SORCS1: variants seen among roughly 807,000 people sequenced by gnomAD.
The protein encoded by SORCS1 is VPS10 domain-containing receptor SorCS1.
A neutral mutation model predicts 146.1 loss-of-function variants in SORCS1; 60 were observed. The observed-to-expected ratio is 0.41, with a 90% confidence interval of 0.33 to 0.51. SORCS1 has a LOEUF of 0.51. Ranked by LOEUF, SORCS1 falls within the 20% of genes least tolerant of loss-of-function variation. The pLI is 0.21. For missense variants in SORCS1, 1,352 were observed against 1,487.6 expected, an observed-to-expected ratio of 0.91 and a Z score of 1.50; for synonymous variants, 637 against 584.0, an observed-to-expected ratio of 1.09 and a Z score of -1.31.
chr10:106,751,385 C>A (rs548713389), intron 5 of SORCS1, among the ~76,000 whole-genome samples: 1 of 152,086 alleles, frequency 6.6e-6, no homozygotes, highest in Non-Finnish European at 1.5e-5. Context: ...AAAAGAAGAG[C>A]GAACAAAGTC....
intron 17 of SORCS1, among the ~76,000 whole-genome samples, chr10:106,658,112 T>A (rs1481186991): frequency 6.6e-6 from 1 of 152,152 alleles, no homozygotes; most frequent in East Asian, 1.9e-4. Flanking sequence ...CATTCAAAAT[T>A]TCCCATGGGC....
intron 3 of SORCS1, among the ~76,000 whole-genome samples, chr10:106,797,555 CAGAG>C (rs1946633147): frequency 6.7e-6 from 1 of 149,606 alleles, no homozygotes; most frequent in Non-Finnish European, 1.5e-5. Context: ...ACATGAAAAA[CAGAG>C]GGTAGAAACA....
chr10:106,870,852 C>T (rs779998774), intron 2 of SORCS1, among the ~76,000 whole-genome samples: 9 of 151,518 alleles, frequency 5.9e-5, no homozygotes, highest in Non-Finnish European at 1.2e-4. Context: ...TCTAATCAAA[C>T]TTAAGAGCTT....
intron 1 of SORCS1, among the ~76,000 whole-genome samples, chr10:106,989,267 C>A (rs377500891): frequency 1.1e-5 from 1 of 87,826 alleles, no homozygotes; most frequent in Non-Finnish European, 2.3e-5. Context: ...AAGGCTCCAC[C>A]TCAGAAAAAA....
At chr10:106,629,176 A>G in intron 19 of SORCS1, 26 bp downstream of exon 19, 1 of 1,597,820 alleles carries the variant, frequency 6.3e-7, no homozygotes, top group Non-Finnish European at 8.6e-7. Context: ...AAGATAGGTC[A>G]TAAACCAACA....
At chr10:107,158,271 T>C (rs918078355) in intron 1 of SORCS1, among the ~76,000 whole-genome samples, 7 of 152,358 alleles carry the variant, frequency 4.6e-5, no homozygotes, top group African/African-American at 1.4e-4. Context: ...AAGATTGATG[T>C]GTATATTTTT....
chr10:106,722,995 T>C (rs1028039161), intron 6 of SORCS1, among the ~76,000 whole-genome samples: 1 of 152,150 alleles, frequency 6.6e-6, no homozygotes, highest in Non-Finnish European at 1.5e-5. Flanking sequence ...TCAGTAGATA[T>C]ACCTAAACAG....
At chr10:106,828,141 C>T (rs1451307991) in intron 3 of SORCS1, among the ~76,000 whole-genome samples, 1 of 152,210 alleles carries the variant, frequency 6.6e-6, no homozygotes, top group African/African-American at 2.4e-5. Context: ...CCGAATCCCA[C>T]TGTGCTTGGA....
chr10:106,631,167 C>A (rs1413262786), intron 18 of SORCS1, among the ~76,000 whole-genome samples: 1 of 152,206 alleles, frequency 6.6e-6, no homozygotes, highest in Non-Finnish European at 1.5e-5. Flanking sequence ...GTGTGACCTA[C>A]TCCTCTGCTC....
At chr10:106,600,683 G>GGT (rs2133339794) in intron 23 of SORCS1, 1 of 985,426 alleles carries the variant, frequency 1.0e-6, no homozygotes, top group African/African-American at 1.7e-5. Context: ...ACACATCTTA[G>GGT]GTGTCAGTGC....
chr10:107,000,148 T>C (rs1957157797), intron 1 of SORCS1, among the ~76,000 whole-genome samples: 1 of 152,206 alleles, frequency 6.6e-6, no homozygotes, highest in Non-Finnish European at 1.5e-5. Flanking sequence ...TGATTTGAAA[T>C]AAATAATTTT....
intron 1 of SORCS1, among the ~76,000 whole-genome samples, chr10:107,151,012 A>G (rs1968751284): frequency 6.6e-6 from 1 of 152,206 alleles, no homozygotes; most frequent in Non-Finnish European, 1.5e-5. Flanking sequence ...GCACTGCTGT[A>G]AAGATACCCA....
chr10:106,638,628 T>C (rs1478638382), intron 18 of SORCS1, among the ~76,000 whole-genome samples: 1 of 152,216 alleles, frequency 6.6e-6, no homozygotes, highest in Non-Finnish European at 1.5e-5. Flanking sequence ...CTTTTATACC[T>C]AGTATCACTT....
intron 10 of SORCS1, 22 bp from the exon 11 acceptor site, chr10:106,679,756 G>A: frequency 6.4e-7 from 1 of 1,556,486 alleles, no homozygotes. Flanking sequence ...AATAATAAGT[G>A]CCACAAAATC....
intron 2 of SORCS1, among the ~76,000 whole-genome samples, chr10:106,926,511 A>G (rs1953027776): frequency 6.6e-6 from 1 of 152,170 alleles, no homozygotes; most frequent in African/African-American, 2.4e-5. Context: ...TGAAGTGCTT[A>G]GCCAATTATA....
In SORCS1 at chr10:107,006,539, C is replaced by A. The variant is rs11193160; in HGVS notation, c.559-49959G>T. Among the ~76,000 whole-genome samples, 4 of 152,112 alleles carry A rather than the reference C, an allele frequency of 2.6e-5. No homozygotes were observed. In the East Asian group the frequency reaches 7.7e-4, roughly 29 times the overall value. ...GAACATGAAAATAGTAACTTTCCACCGGGCATGGTGGCTCACGCCTGTAAT... is the reference window on the plus strand; with the variant it reads ...GAACATGAAAATAGTAACTTTCCACAGGGCATGGTGGCTCACGCCTGTAAT... On this transcript the variant is annotated intron_variant, in intron 1 of 25. Transcript: ENST00000263054.
chr10:106,748,394 A>G (rs952088744), intron 5 of SORCS1, among the ~76,000 whole-genome samples: 3 of 152,190 alleles, frequency 2.0e-5, no homozygotes, highest in African/African-American at 7.2e-5. Flanking sequence ...CAACAACCAT[A>G]TAAGACTGCA....
At chr10:106,704,792 A>C (rs942564667) in intron 8 of SORCS1, among the ~76,000 whole-genome samples, 1 of 152,214 alleles carries the variant, frequency 6.6e-6, no homozygotes, top group Non-Finnish European at 1.5e-5. Flanking sequence ...ATCCCCCTTG[A>C]ACAACAGCAG....
At chr10:106,969,509 A>C (rs1435322444) in intron 1 of SORCS1, among the ~76,000 whole-genome samples, 3 of 152,206 alleles carry the variant, frequency 2.0e-5, no homozygotes, top group African/African-American at 2.4e-5. Flanking sequence ...GAGTTGAAAG[A>C]AGTAGATCTA....
Sources: gnomAD v4.1 joint callset for allele counts (sites outside exome capture counted in the v4.1 genomes callset) on GRCh38, gnomAD v4.1.1 for gene constraint, MANE v1.5 for transcripts, NCBI Gene and HGNC (gene_info 2026-07-23, HGNC 2026-07-21) for gene names.